Variants in CACNA2D3 observed in about 807,000 individuals in gnomAD.
CACNA2D3 encodes the protein voltage-dependent calcium channel subunit alpha-2/delta-3.
In CACNA2D3, 60 loss-of-function variants were observed where a neutral mutation model predicts 160.6. The ratio of observed to expected loss-of-function variants is 0.37; its 90% CI spans 0.30 to 0.46. The LOEUF (loss-of-function observed/expected upper bound fraction) is 0.46, where lower values mean the gene tolerates loss of function less well. Ranked by LOEUF, CACNA2D3 falls within the 20% of genes least tolerant of loss-of-function variation. The pLI is 1.00. For missense variants in CACNA2D3, 1,205 were observed against 1,365.0 expected (o/e 0.88, Z 1.85); for synonymous variants, 558 against 492.9 (o/e 1.13, Z -1.75).
At chr3:54,213,297 C>G (rs192476305) in intron 2 of CACNA2D3, among the ~76,000 whole-genome samples, 125 of 152,198 alleles carry the variant, frequency 8.2e-4, no homozygotes, top group African/African-American at 3.0e-3. Flanking sequence ...ATAAGAAAAC[C>G]TCTTTTCTCC....
chr3:54,288,571 A>G (rs1703096859), intron 2 of CACNA2D3, among the ~76,000 whole-genome samples: 1 of 152,302 alleles, frequency 6.6e-6, no homozygotes, highest in East Asian at 1.9e-4. Flanking sequence ...AACTCATTTT[A>G]TGAGGCCAGC....
chr3:54,826,484 G>A (rs1193878172), intron 14 of CACNA2D3, among the ~76,000 whole-genome samples: 3 of 152,302 alleles, frequency 2.0e-5, no homozygotes, highest in Middle Eastern at 3.4e-3. Context: ...GACTAATGTC[G>A]TGGTATGGAT....
intron 29 of CACNA2D3, 85 bp downstream of exon 29, chr3:54,969,929 A>G: frequency 1.7e-6 from 2 of 1,193,312 alleles, no homozygotes; most frequent in African/African-American, 1.5e-5. Flanking sequence ...TGCCCTTATA[A>G]ACAAGGCCAG....
At chr3:54,284,272 A>G (rs1373261991) in intron 2 of CACNA2D3, among the ~76,000 whole-genome samples, 1 of 151,786 alleles carries the variant, frequency 6.6e-6, no homozygotes, top group South Asian at 2.1e-4. Context: ...TATAATAATA[A>G]TAAAAAATAA....
chr3:54,192,663 A>G (rs1371985224), intron 2 of CACNA2D3, among the ~76,000 whole-genome samples: 2 of 128,984 alleles, frequency 1.6e-5, no homozygotes, highest in African/African-American at 6.0e-5. Context: ...TGCTTTTCCC[A>G]TATGTGAGGT....
intron 27 of CACNA2D3, among the ~76,000 whole-genome samples, chr3:54,934,831 A>G (rs957801186): frequency 7.9e-5 from 12 of 152,260 alleles, no homozygotes; most frequent in Admixed American, 5.9e-4. Flanking sequence ...TCCAAGGTTC[A>G]AGTGATTCTC....
chr3:55,049,752 G>T (rs926220412), intron 35 of CACNA2D3, among the ~76,000 whole-genome samples: 6 of 149,422 alleles, frequency 4.0e-5, no homozygotes, highest in African/African-American at 1.5e-4. Flanking sequence ...CTCTTTGTAG[G>T]TCACTGAGGA....
chr3:54,709,244 ACCT>A (rs1188720100), intron 11 of CACNA2D3, among the ~76,000 whole-genome samples: 2 of 151,782 alleles, frequency 1.3e-5, no homozygotes, highest in Non-Finnish European at 2.9e-5. Context: ...CGAACTGCTG[ACCT>A]CAAGTGATCC....
intron 13 of CACNA2D3, among the ~76,000 whole-genome samples, chr3:54,770,978 A>T (rs1291711845): frequency 6.6e-6 from 1 of 152,186 alleles, no homozygotes; most frequent in African/African-American, 2.4e-5. Context: ...TCTTCCTTGC[A>T]TTCAGAGAAA....
At chr3:54,147,847 G>T (rs62251041) in intron 2 of CACNA2D3, among the ~76,000 whole-genome samples, 1 of 152,062 alleles carries the variant, frequency 6.6e-6, no homozygotes, top group Non-Finnish European at 1.5e-5. Context: ...TTGCTCTGTC[G>T]CCCAGCTGGA....
intron 2 of CACNA2D3, among the ~76,000 whole-genome samples, chr3:54,248,462 C>G (rs1389261747): frequency 1.2e-5 from 1 of 80,466 alleles, no homozygotes. Flanking sequence ...GCCCGGGCAA[C>G]AAGAGAGAAA....
intron 11 of CACNA2D3, among the ~76,000 whole-genome samples, chr3:54,746,216 C>G (rs1701750875): frequency 6.6e-6 from 1 of 152,150 alleles, no homozygotes; most frequent in Non-Finnish European, 1.5e-5. Flanking sequence ...TAATCAGGTT[C>G]CAACCCTTAT....
intron 9 of CACNA2D3, among the ~76,000 whole-genome samples, chr3:54,583,539 A>T (rs1029367593): frequency 1.3e-5 from 2 of 152,290 alleles, no homozygotes; most frequent in African/African-American, 4.8e-5. Context: ...AATGGTTGGG[A>T]CTAGAAGTGT....
At chr3:54,657,159 G>A (rs1020355200) in intron 11 of CACNA2D3, among the ~76,000 whole-genome samples, 1 of 152,162 alleles carries the variant, frequency 6.6e-6, no homozygotes, top group Non-Finnish European at 1.5e-5. Flanking sequence ...ACAAGACAAT[G>A]TCTTCAGTTA....
intron 2 of CACNA2D3, among the ~76,000 whole-genome samples, chr3:54,269,712 C>T (rs1702583399): frequency 6.6e-6 from 1 of 152,032 alleles, no homozygotes; most frequent in Admixed American, 6.5e-5. Flanking sequence ...GACCAGGTGT[C>T]CAGAGATGAA....
chr3:54,512,579 G>A (rs1315958427), intron 5 of CACNA2D3, among the ~76,000 whole-genome samples: 4 of 152,176 alleles, frequency 2.6e-5, no homozygotes, highest in African/African-American at 9.7e-5. Flanking sequence ...AAGAAATTCA[G>A]TGAAGGGAGG....
chr3:54,602,222 G>T (rs1703073053), intron 9 of CACNA2D3, among the ~76,000 whole-genome samples: 1 of 152,170 alleles, frequency 6.6e-6, no homozygotes, highest in Non-Finnish European at 1.5e-5. Context: ...GCAAGGCCAG[G>T]CGTGGTGGCT....
At chr3:54,675,753 G>A (rs570935499) in intron 11 of CACNA2D3, among the ~76,000 whole-genome samples, 10 of 152,190 alleles carry the variant, frequency 6.6e-5, no homozygotes, top group African/African-American at 2.2e-4. Flanking sequence ...AAGAAGTTTC[G>A]GAGATACTGC....
chr3:54,254,778 T>C (rs1037165305), intron 2 of CACNA2D3, among the ~76,000 whole-genome samples: 1 of 152,302 alleles, frequency 6.6e-6, no homozygotes, highest in East Asian at 1.9e-4. Context: ...AAGGAAGATA[T>C]GGGAAAATGC....
Sources: gnomAD v4.1 joint callset for allele counts (sites outside exome capture counted in the v4.1 genomes callset) on GRCh38, gnomAD v4.1.1 for gene constraint, MANE v1.5 for transcripts, NCBI Gene and HGNC (gene_info 2026-07-23, HGNC 2026-07-21) for gene names.